UTRN: variants seen among roughly 807,000 people sequenced by gnomAD.
UTRN encodes the protein dystrophin-related protein 1.
A neutral mutation model predicts 463.9 loss-of-function variants in UTRN; 283 were observed. That is an observed-to-expected ratio of 0.61 (90% CI 0.55 to 0.67). UTRN has a LOEUF of 0.67. Ranked by LOEUF, UTRN falls within the 30% of genes least tolerant of loss-of-function variation. The pLI, the probability that UTRN is intolerant of heterozygous loss-of-function variation, is 0.00. For synonymous variants in UTRN, 1,442 were observed against 1,431.5 expected, an observed-to-expected ratio of 1.01 and a Z score of -0.17; for missense variants, 3,922 against 4,084.3, an observed-to-expected ratio of 0.96 and a Z score of 1.08.
chr6:144,437,789 T>G (rs1786722010), intron 11 of UTRN, 43 bp downstream of exon 11: 1 of 1,577,926 alleles, frequency 6.3e-7, no homozygotes, highest in Non-Finnish European at 8.6e-7. Context: ...CACAGGCTGC[T>G]TTGCACAGTT....
At chr6:144,533,607 T>C (rs1475867064) in intron 43 of UTRN, among the ~76,000 whole-genome samples, 1 of 152,158 alleles carries the variant, frequency 6.6e-6, no homozygotes, top group East Asian at 1.9e-4. Context: ...AGACCTTCCC[T>C]TTGCTTATTT....
chr6:144,500,084 G>A (rs185989101), intron 34 of UTRN, among the ~76,000 whole-genome samples: 2 of 152,296 alleles, frequency 1.3e-5, no homozygotes, highest in East Asian at 3.9e-4. Flanking sequence ...ATGAGTGCAT[G>A]TGTCTTTTTG....
rs680093 is a variant in UTRN at position 144,286,420 on chromosome 6, G to A, written c.-93+599G>A. On this transcript the variant is annotated intron_variant, in intron 1 of 74. Coordinates refer to ENST00000367545, the MANE Select transcript of UTRN (RefSeq NM_007124.3). This position sits in a 1 kb window ranked among gnomAD's most constrained non-coding sequence, Gnocchi z 4.4. Reference sequence around the variant, plus strand: ...TTGCTGCTCCCAAGGGTGGGGCTCCGGAGAGTGTGGCGCGATCGCCAAGCT... The same window carrying A: ...TTGCTGCTCCCAAGGGTGGGGCTCCAGAGAGTGTGGCGCGATCGCCAAGCT... 0.5 allele frequency among the ~76,000 whole-genome samples: 75,460 copies of A among 151,814 alleles called. 20,785 individuals carry two copies. Among genetic ancestry groups the A allele is most frequent in the African/African-American group, 0.75 (30,958 of 41,420 alleles).
At chr6:144,503,687 C>G (rs1187904808) in intron 34 of UTRN, among the ~76,000 whole-genome samples, 3 of 152,024 alleles carry the variant, frequency 2.0e-5, no homozygotes, top group Admixed American at 2.0e-4. Flanking sequence ...CTGGATGCCT[C>G]CAGCTTTGTT....
intron 9 of UTRN, among the ~76,000 whole-genome samples, chr6:144,433,649 C>T (rs1391482346): frequency 2.7e-5 from 4 of 150,844 alleles, no homozygotes; most frequent in Non-Finnish European, 4.4e-5. Flanking sequence ...CAGAGACGCT[C>T]CTCACCTCCC....
At position 144,424,048 on chromosome 6, in the gene UTRN, G is replaced by T. The variant is rs750506215; in HGVS notation, c.375G>T (p.Gly125=). The T allele has an allele frequency of 2.5e-6, 4 of 1,614,050 alleles. No individual in the cohort carries two copies. The highest frequency in any genetic ancestry group is 3.4e-6 in the Non-Finnish European group (4 of 1,180,036). ...ATGGAAATCACAAACTGACTTTGGGGTTACTTTGGAGCATCATTTTGCACT... is the reference window on the plus strand; with the variant it reads ...ATGGAAATCACAAACTGACTTTGGGTTTACTTTGGAGCATCATTTTGCACT... ...IVDGNHKLTL[G]LLWSIILHWQ... The change falls in exon 6 of 75, where the codon GGG becomes GGT. Residue 125 remains glycine, a synonymous_variant. Coordinates refer to ENST00000367545, the MANE Select transcript of UTRN (RefSeq NM_007124.3).
rs1791985309 is a variant in UTRN at position 144,482,408 on chromosome 6, GTTGTTATTATTATTATTA to G, written c.3687+23_3687+40del. 1.8e-6 allele frequency: 2 copies of G among 1,139,898 alleles called. No individual in the cohort carries two copies. Among genetic ancestry groups the G allele is most frequent in the Admixed American group, 3.4e-5 (1 of 29,556 alleles). The allele number at this position is 1,139,898 out of a possible 1,614,324, so 70.6% of individuals were successfully genotyped here. ...CTAGAGGTATGCTATTATTATTATT[GTTGTTATTATTATTATTA>G]TTATTATTATTATTATTTTCAGTGA... On this transcript the variant is annotated intron_variant, in intron 27 of 74. Coordinates refer to ENST00000367545, the MANE Select transcript of UTRN (RefSeq NM_007124.3).
intron 10 of UTRN, 52 bp from the exon 11 acceptor site, chr6:144,437,511 CTT>C (rs879148403): frequency 5.5e-3 from 6,476 of 1,171,232 alleles, no homozygotes; most frequent in South Asian, 0.015. Flanking sequence ...TTCAGTCTTC[CTT>C]TTTTTTTTTT....
chr6:144,411,962 C>G (rs150461278), intron 3 of UTRN, among the ~76,000 whole-genome samples: 1 of 151,982 alleles, frequency 6.6e-6, no homozygotes, highest in African/African-American at 2.4e-5. Context: ...TTTCTGTTGT[C>G]GAGGTGTGGA....
At chr6:144,745,433 G>A (rs1012355195) in intron 54 of UTRN, among the ~76,000 whole-genome samples, 1 of 151,938 alleles carries the variant, frequency 6.6e-6, no homozygotes, top group African/African-American at 2.4e-5. Context: ...TCTGTGCTTG[G>A]CTTAAAGTAT....
intron 53 of UTRN, among the ~76,000 whole-genome samples, chr6:144,707,428 G>T (rs1785206646): frequency 6.6e-6 from 1 of 152,098 alleles, no homozygotes; most frequent in Admixed American, 6.5e-5. Flanking sequence ...TTATTTTGTT[G>T]TTTGGGAGAA....
At chr6:144,467,699 T>G (rs1790101759) in intron 23 of UTRN, among the ~76,000 whole-genome samples, 1 of 152,194 alleles carries the variant, frequency 6.6e-6, no homozygotes, top group Admixed American at 6.5e-5. Flanking sequence ...ATGCAATACT[T>G]TCTAAGAGTA....
intron 54 of UTRN, among the ~76,000 whole-genome samples, chr6:144,734,204 T>A (rs1380964108): frequency 6.6e-6 from 1 of 152,090 alleles, no homozygotes; most frequent in Non-Finnish European, 1.5e-5. Context: ...TGTATACACT[T>A]ACTGTGTACC....
rs1782513849 is a variant in UTRN, at chr6:144,852,039, T to G, written c.*1042T>G. ...AGAATTTTATTGTTGTTTTGTATTT[T>G]CAAGTCCTTAATAGTTCTTGAAACT... On this transcript the variant is annotated 3_prime_UTR_variant, in exon 75 of 75. Coordinates refer to ENST00000367545, the MANE Select transcript of UTRN (RefSeq NM_007124.3). The G allele has an allele frequency of 6.6e-6, 1 of 152,186 alleles. No individual in the cohort carries two copies. The highest frequency in any genetic ancestry group is 2.4e-5 in the African/African-American group (1 of 41,460). The allele number at this position is 152,186 out of a possible 1,614,324, so 9.4% of individuals were successfully genotyped here.
intron 33 of UTRN, among the ~76,000 whole-genome samples, chr6:144,497,024 T>C (rs922945951): frequency 1.3e-5 from 2 of 152,234 alleles, no homozygotes; most frequent in African/African-American, 2.4e-5. Context: ...GCCAATGTCA[T>C]AGAGTTTGTG....
chr6:144,540,691 G>T (rs1797909715), intron 45 of UTRN, among the ~76,000 whole-genome samples: 1 of 152,098 alleles, frequency 6.6e-6, no homozygotes, highest in South Asian at 2.1e-4. Context: ...TATTACTTAA[G>T]TCAGAAATAT....
At chr6:144,401,671 C>T (rs1266599307) in intron 2 of UTRN, among the ~76,000 whole-genome samples, 3 of 150,092 alleles carry the variant, frequency 2.0e-5, no homozygotes, top group Non-Finnish European at 4.4e-5. Flanking sequence ...TGTAAAAGTG[C>T]ATTTTTTTTT....
chr6:144,829,801 TTTTA>T (rs755383671), intron 69 of UTRN, among the ~76,000 whole-genome samples: 16 of 152,190 alleles, frequency 1.1e-4, no homozygotes, highest in African/African-American at 3.1e-4. Flanking sequence ...CTAAAACTTG[TTTTA>T]TTTATTATGG....
At chr6:144,501,029 T>C (rs1794123517) in intron 34 of UTRN, among the ~76,000 whole-genome samples, 1 of 151,908 alleles carries the variant, frequency 6.6e-6, no homozygotes, top group African/African-American at 2.4e-5. Context: ...TGCTGAGAGG[T>C]TGTGGGGTGA....
Sources: allele counts gnomAD v4.1 joint callset (sites outside exome capture counted in the v4.1 genomes callset), GRCh38; gene constraint gnomAD v4.1.1; non-coding constraint Gnocchi (gnomAD v3.1); transcripts MANE v1.5; gene names NCBI Gene and HGNC (gene_info 2026-07-23, HGNC 2026-07-21).